RNF114: variants seen among roughly 807,000 people sequenced by gnomAD.
RNF114 encodes the protein ring finger protein 114.
RNF114 carries 6 observed loss-of-function variants against 28.4 expected under a neutral mutation model. The ratio of observed to expected loss-of-function variants is 0.21; its 90% CI spans 0.12 to 0.42. The LOEUF is 0.42. RNF114 is among the 10% of genes least tolerant of loss of function. The pLI is 1.00. For missense variants in RNF114, 249 were observed against 311.7 expected (o/e 0.80, Z 1.51); for synonymous variants, 115 against 116.7 (o/e 0.99, Z 0.09).
Position 49,939,582 on chromosome 20 carries a change from C to T in RNF114, c.141-1979C>T, listed in dbSNP as rs190881890. On this transcript the variant is annotated intron_variant, in intron 1 of 5. Transcript: ENST00000244061. ...CTAGGCTTCAGGATAGGAACTCGGT[C>T]ATCTTTGACTTCTTTTCTTCAAAGT... Among the ~76,000 whole-genome samples, 23 of 152,250 alleles carry T rather than the reference C, an allele frequency of 1.5e-4. No individual in the cohort carries two copies. The East Asian group carries it at 4.4e-3, about 29-fold the overall frequency.
At chr20:49,945,925 CAA>C (rs1396154432) in intron 3 of RNF114, among the ~76,000 whole-genome samples, 1 of 152,176 alleles carries the variant, frequency 6.6e-6, no homozygotes, top group Non-Finnish European at 1.5e-5. Context: ...TTTGGCCTCC[CAA>C]AGTGCTGCGA....
At chr20:49,936,633 C>G in intron 1 of RNF114, 81 bp downstream of exon 1, 1 of 1,501,152 alleles carries the variant, frequency 6.7e-7, no homozygotes, top group Admixed American at 2.3e-5. Flanking sequence ...GGTCTCAGGG[C>G]GGGAGCCAGA....
Position 49,949,351 on chromosome 20 carries a change from T to C in RNF114, c.617T>C (p.Phe206Ser), listed in dbSNP as rs1160221496. ...CGGCACCGGTTTTCTTATGACACTT[T>C]TGTGGTAAGTCTGGAGCCTGGGCTC... is the stretch of plus-strand genomic sequence containing the variant. ...QRRHRFSYDT[F>S]VDYDVDEEDM... is the part of the protein sequence containing the mutation. The change falls in exon 5 of 6, where the codon TTT becomes TCT. Residue 206 changes from phenylalanine to serine, a missense_variant. Coordinates refer to ENST00000244061, the MANE Select transcript of RNF114 (RefSeq NM_018683.4). The C allele has an allele frequency of 2.5e-6, 4 of 1,613,316 alleles. No individual in the cohort carries two copies. The highest frequency in any genetic ancestry group is 3.4e-6 in the Non-Finnish European group (4 of 1,179,746).
At chr20:49,948,787 C>CA (rs1196585581) in intron 4 of RNF114, among the ~76,000 whole-genome samples, 9 of 152,178 alleles carry the variant, frequency 5.9e-5, no homozygotes, top group Non-Finnish European at 1.3e-4. Flanking sequence ...TCCCAATCTT[C>CA]AAAAACCAAA....
At chr20:49,941,914 G>GTA (rs2090309588) in intron 2 of RNF114, 1 of 519,316 alleles carries the variant, frequency 1.9e-6, no homozygotes, top group Non-Finnish European at 3.3e-6. Flanking sequence ...AGTTGGTTAA[G>GTA]TATATATTTT....
intron 5 of RNF114, among the ~76,000 whole-genome samples, chr20:49,950,001 C>T (rs2146860087): frequency 6.6e-6 from 1 of 150,760 alleles, no homozygotes; most frequent in East Asian, 2.1e-4. Context: ...CCTGTAATCC[C>T]AGCACTTTGG....
intron 2 of RNF114, chr20:49,943,871 GAGATAT>G (rs1378208355): frequency 1.7e-4 from 11 of 65,560 alleles, no homozygotes; most frequent in African/African-American, 7.6e-4. Context: ...CATACACACA[GAGATAT>G]ATATATATAT....
chr20:49,938,927 A>G (rs1318338075), intron 1 of RNF114, among the ~76,000 whole-genome samples: 2 of 152,212 alleles, frequency 1.3e-5, no homozygotes, highest in Non-Finnish European at 2.9e-5. Flanking sequence ...AACAGGCAAC[A>G]CAAGTGATGG....
At chr20:49,947,769 GTTT>G (rs71190519) in intron 4 of RNF114, among the ~76,000 whole-genome samples, 4 of 50,420 alleles carry the variant, frequency 7.9e-5, no homozygotes, top group South Asian at 9.4e-4. Context: ...CCCTCTGCAA[GTTT>G]TTTTTTTTTT....
chr20:49,941,860 G>T, intron 2 of RNF114, 149 bp downstream of exon 2: 1 of 737,326 alleles, frequency 1.4e-6, no homozygotes, highest in East Asian at 3.0e-5. Context: ...TGGCTGGGCT[G>T]GTTTGTTTTC....
At chr20:49,941,889 GTTTC>G (rs989176147) in intron 2 of RNF114, 178 bp downstream of exon 2, 1 of 560,586 alleles carries the variant, frequency 1.8e-6, no homozygotes, top group African/African-American at 2.0e-5. Context: ...ACTGGTTTTT[GTTTC>G]TTTTTTTAAG....
intron 1 of RNF114, 23 bp downstream of exon 1, chr20:49,936,575 G>A (rs1177276552): frequency 1.3e-6 from 2 of 1,577,960 alleles, no homozygotes; most frequent in Admixed American, 1.8e-5. Flanking sequence ...CCCGGGCCTG[G>A]TCGGGGGGCG....
At chr20:49,948,973 GC>G (rs2090345543) in intron 4 of RNF114, among the ~76,000 whole-genome samples, 1 of 152,116 alleles carries the variant, frequency 6.6e-6, no homozygotes, top group South Asian at 2.1e-4. Flanking sequence ...GCCAGTCTAG[GC>G]CCCCCACCAG....
At chr20:49,945,223 A>G in intron 2 of RNF114, 159 bp from the exon 3 acceptor site, 4 of 570,430 alleles carry the variant, frequency 7.0e-6, no homozygotes, top group Non-Finnish European at 1.3e-5. Context: ...GAAATCTGCA[A>G]TAATCAGGGT....
At chr20:49,942,439 T>C (rs1396885555) in intron 2 of RNF114, among the ~76,000 whole-genome samples, 1 of 152,238 alleles carries the variant, frequency 6.6e-6, no homozygotes, top group Admixed American at 6.5e-5. Flanking sequence ...TTGTTGATTT[T>C]AGAATCATTA....
At chr20:49,950,960 A>C (rs1191534014) in intron 5 of RNF114, among the ~76,000 whole-genome samples, 1 of 152,220 alleles carries the variant, frequency 6.6e-6, no homozygotes, top group Non-Finnish European at 1.5e-5. Context: ...CTTCAGGTCA[A>C]ATAGCATATA....
In RNF114 at chr20:49,941,673, G is replaced by A. The variant is rs370946628; in HGVS notation, c.253G>A (p.Glu85Lys). The A allele has an allele frequency of 1.9e-6, 3 of 1,612,530 alleles. No individual in the cohort carries two copies. The highest frequency in any genetic ancestry group is 1.3e-5 in the African/African-American group (1 of 74,906). Residue 85 changes from glutamate (E) to lysine (K), a missense_variant, in exon 2 of 6, where the codon GAG (glutamate) becomes AAG (lysine). By Grantham distance (56) the Glu-to-Lys change is moderately conservative. Around this residue, in one of 2 missense-constraint regions of RNF114, gnomAD observed 126 missense variants for 205.3 expected, o/e 0.61. Coordinates refer to ENST00000244061, the MANE Select transcript of RNF114 (RefSeq NM_018683.4). ...AGCCGTGGAGCTCGAGCGGCAGATC[G>A]AGAGCACAGAGACTTCTTGCCATGG... is the stretch of plus-strand genomic sequence containing the variant. Reference protein sequence around the residue: ...VRAVELERQIESTETSCHGCR... With the variant: ...VRAVELERQIKSTETSCHGCR...
Position 49,936,416 on chromosome 20 carries a change from G to A in RNF114, c.4G>A (p.Ala2Thr). 2 of 1,510,052 alleles carry A rather than the reference G, an allele frequency of 1.3e-6. No individual in the cohort carries two copies. The highest frequency in any genetic ancestry group is 1.8e-6 in the Non-Finnish European group (2 of 1,129,688). 93.5% of individuals were successfully genotyped at this position (1,510,052 alleles called of 1,614,324 possible). Residue 2 changes from alanine to threonine, a missense_variant, in exon 1 of 6, where the codon GCG (alanine) becomes ACG (threonine). Ala to Thr is a moderately conservative substitution (Grantham distance 58). Coordinates refer to ENST00000244061, the MANE Select transcript of RNF114 (RefSeq NM_018683.4). M[A>T]AQQRDCGGAA... is the part of the protein sequence containing the mutation. ...CGCGGCGCAGAGCGGCAGCAAGATG[G>A]CGGCGCAACAGCGGGACTGCGGGGG... is the stretch of plus-strand genomic sequence containing the variant.
intron 2 of RNF114, 172 bp downstream of exon 2, chr20:49,941,883 G>T: frequency 1.7e-6 from 1 of 577,986 alleles, no homozygotes; most frequent in Non-Finnish European, 2.9e-6. Flanking sequence ...AACCTTACTG[G>T]TTTTTGTTTC....
Sources: allele counts gnomAD v4.1 joint callset (sites outside exome capture counted in the v4.1 genomes callset), GRCh38; gene constraint gnomAD v4.1.1; regional missense constraint gnomAD v4.1.1; transcripts MANE v1.5; gene names NCBI Gene and HGNC (gene_info 2026-07-23, HGNC 2026-07-21).